The following LTBP3 variants were observed in gnomAD, a reference collection of about 807,000 sequenced individuals.
LTBP3 encodes latent transforming growth factor beta binding protein 3.
A neutral mutation model predicts 159.7 loss-of-function variants in LTBP3; 97 were observed. The ratio of observed to expected loss-of-function variants is 0.61; its 90% CI spans 0.52 to 0.72. The LOEUF (loss-of-function observed/expected upper bound fraction) is 0.72. Ranked by LOEUF, LTBP3 falls within the 30% of genes least tolerant of loss-of-function variation. LTBP3 has a pLI of 0.00. For missense variants in LTBP3, 1,584 were observed against 1,864.3 expected (o/e 0.85, Z 2.77); for synonymous variants, 824 against 777.1 (o/e 1.06, Z -1.00).
rs778882357 is a variant in LTBP3, at chr11:65,551,435, T to C, written c.1588A>G (p.Thr530Ala). The change falls in exon 10 of 28, where the codon ACT becomes GCT. Residue 530 changes from threonine (T) to alanine (A), a missense_variant. Thr to Ala is a moderately conservative substitution (Grantham distance 58, BLOSUM62 0). Coordinates refer to ENST00000301873, the MANE Select transcript of LTBP3 (RefSeq NM_001130144.3). ...GGCCGGGCAGGAGTCGTGGTGGCAG[T>C]TGGGTGGCTCTGCTGCACTGACCTC... ...EERSVQQSHP[T>A]ATTTPARPYP... The C allele has an allele frequency of 6.1e-5, 99 of 1,613,586 alleles. No homozygotes were observed. The East Asian group carries it at 2.1e-3, about 33-fold the overall frequency.
intron 8 of LTBP3, 77 bp from the exon 9 acceptor site, chr11:65,551,641 T>C: frequency 6.3e-7 from 1 of 1,580,150 alleles, no homozygotes; most frequent in Non-Finnish European, 8.7e-7. Context: ...CAGCTGAGTA[T>C]TTGCAGTTAG....
Position 65,539,648 on chromosome 11 carries a change from T to G in LTBP3, c.3548-20A>C. The G allele has an allele frequency of 6.2e-7, 1 of 1,600,058 alleles. No homozygotes were observed. The highest frequency in any genetic ancestry group is 8.5e-7 in the Non-Finnish European group (1 of 1,175,754). On this transcript the variant is annotated intron_variant, in intron 25 of 27. Transcript: ENST00000301873. ...GGGACCCTGGGAGGAGCAGAACTGG[T>G]CAGCGACGTCCGGGTCCCCGGGCCC...
chr11:65,547,931 C>A lies in LTBP3; in HGVS notation c.1835G>T (p.Arg612Leu). Residue 612 changes from arginine to leucine, a missense_variant, in exon 12 of 28, where the codon CGC (arginine) becomes CTC (leucine). This residue lies in a region of LTBP3 where 565 missense variants were observed against 677.7 expected (regional missense o/e 0.83). Coordinates refer to ENST00000301873, the MANE Select transcript of LTBP3 (RefSeq NM_001130144.3). The surrounding 1 kb of genome is among the most constrained non-coding windows in gnomAD (Gnocchi z 4.6). ...TGCCCTGCGCTCACCCACGCAGTAG[C>A]GGTGCTGGGGATGTGACCGGTAGCC... is the stretch of plus-strand genomic sequence containing the variant. Reference protein sequence around the residue: ...NPGYRSHPQHRYCVDVNECEA... With the variant: ...NPGYRSHPQHLYCVDVNECEA... The A allele has an allele frequency of 6.2e-7, 1 of 1,613,798 alleles. No individual in the cohort carries two copies. The highest frequency in any genetic ancestry group is 8.5e-7 in the Non-Finnish European group (1 of 1,179,996).
rs1190589964 is a variant in LTBP3 at position 65,547,717 on chromosome 11, C to T, written c.1951G>A (p.Val651Met). 4 of 1,606,678 alleles carry T rather than the reference C, an allele frequency of 2.5e-6. No individual in the cohort carries two copies. The highest frequency in any genetic ancestry group is 2.7e-5 in the African/African-American group (2 of 74,762). ...CHCNRGYRLHVGAGGRSCVDL... is the reference protein window; with the variant it reads ...CHCNRGYRLHMGAGGRSCVDL... The stretch of plus-strand genomic sequence containing the variant: ...ACGCACGAGCGCCCCCCGGCGCCCA[C>T]GTGCAGGCGGTAGCCGCGGTTGCAG... Residue 651 changes from valine to methionine, a missense_variant, in exon 13 of 28, where the codon GTG becomes ATG. Around this residue, in one of 6 missense-constraint regions of LTBP3, gnomAD observed 565 missense variants for 677.7 expected, o/e 0.83. Transcript: ENST00000301873. The surrounding 1 kb of genome is among the most constrained non-coding windows in gnomAD (Gnocchi z 4.6).
In LTBP3 at chr11:65,539,884, G is replaced by T. The variant is rs934107346; in HGVS notation, c.3386-3C>A. The T allele has an allele frequency of 6.6e-7, 1 of 1,511,820 alleles. No individual in the cohort carries two copies. The highest frequency in any genetic ancestry group is 8.8e-7 in the Non-Finnish European group (1 of 1,137,316). The allele number at this position is 1,511,820 out of a possible 1,614,324, so 93.7% of individuals were successfully genotyped here. On this transcript the variant is annotated splice_region_variant and splice_polypyrimidine_tract_variant and intron_variant, in intron 24 of 27. Transcript: ENST00000301873. The stretch of plus-strand genomic sequence containing the variant: ...GTCGCGCCGCTCCGGGGCACGCTCT[G>T]CGGAAGACACCTGGCATCAGGGGAG...
rs1856418452 is a variant in LTBP3, at chr11:65,547,371, C to G, written c.2107+68G>C. Reference sequence around the variant, plus strand: ...GGGAAAAAAAAAAAAATGCAGGCACCCCAGCCCCACCCCAGGTGGAGAGAC... The same window carrying G: ...GGGAAAAAAAAAAAAATGCAGGCACGCCAGCCCCACCCCAGGTGGAGAGAC... On this transcript the variant is annotated intron_variant, in intron 14 of 27. Coordinates refer to ENST00000301873, the MANE Select transcript of LTBP3 (RefSeq NM_001130144.3). The surrounding 1 kb of genome is among the most constrained non-coding windows in gnomAD (Gnocchi z 4.6). 1 of 1,581,772 alleles carries G rather than the reference C, an allele frequency of 6.3e-7. No homozygotes were observed. Among genetic ancestry groups the G allele is most frequent in the African/African-American group, 1.4e-5 (1 of 74,072 alleles).
At chr11:65,551,625 G>A in intron 8 of LTBP3, 61 bp from the exon 9 acceptor site, 1 of 1,604,128 alleles carries the variant, frequency 6.2e-7, no homozygotes, top group Non-Finnish European at 8.5e-7. Context: ...TCAGATCTGG[G>A]ATCAGCAGCT....
intron 18 of LTBP3, 137 bp downstream of exon 18, chr11:65,542,967 TG>T: frequency 9.1e-7 from 1 of 1,104,582 alleles, no homozygotes; most frequent in East Asian, 2.4e-5. Flanking sequence ...GATGGATGGA[TG>T]GATGGATAGA....
At chr11:65,540,722 G>GGGCGGGGCCTACAGGAGA in intron 21 of LTBP3, 108 bp from the exon 22 acceptor site, 1 of 1,564,188 alleles carries the variant, frequency 6.4e-7, no homozygotes, top group Non-Finnish European at 8.7e-7. Flanking sequence ...CCTACAGGAG[G>GGGCGGGGCCTACAGGAGA]GGCGGGGCCT....
At chr11:65,548,279 G>A (rs1312152949) in intron 11 of LTBP3, 15 of 640,578 alleles carry the variant, frequency 2.3e-5, no homozygotes, top group Non-Finnish European at 3.3e-5. Context: ...ACCCAGGCCC[G>A]GATACTTCCA....
rs1252981675 is a variant in LTBP3 at position 65,546,887 on chromosome 11, G to C, written c.2141C>G (p.Pro714Arg). Reference sequence around the variant, plus strand: ...GGGCTTGTTCTCGCATTTGCCATCCGGGCAAGAGCTTGGGTCCCGGCACTC... The same window carrying C: ...GGGCTTGTTCTCGCATTTGCCATCCCGGCAAGAGCTTGGGTCCCGGCACTC... ...IDECRDPSSCPDGKCENKPGS... is the reference protein window; with the variant it reads ...IDECRDPSSCRDGKCENKPGS... Residue 714 changes from proline to arginine, a missense_variant, in exon 15 of 28, where the codon CCG becomes CGG. By Grantham distance (103) the Pro-to-Arg change is moderately radical (BLOSUM62 -2). Transcript: ENST00000301873. The surrounding 1 kb of genome is among the most constrained non-coding windows in gnomAD (Gnocchi z 4.0). The C allele has an allele frequency of 6.2e-7, 1 of 1,612,436 alleles. No individual in the cohort carries two copies. Among genetic ancestry groups the C allele is most frequent in the African/African-American group, 1.3e-5 (1 of 74,946 alleles).
In LTBP3 at chr11:65,553,813, T is replaced by C. The variant is rs1396166571; in HGVS notation, c.752A>G (p.Glu251Gly). The C allele has an allele frequency of 4.5e-6, 7 of 1,561,704 alleles. No individual in the cohort carries two copies. Among genetic ancestry groups the C allele is most frequent in the Admixed American group, 1.8e-5 (1 of 54,134 alleles). ...QVHRIESSNA[E>G]SAAPSQHLLP... is the part of the protein sequence containing the mutation. ...CAGGTGCTGGGAGGGGGCTGCGCTC[T>C]CGGCGTTCGAGCTCTCAATGCGGTG... Residue 251 changes from glutamate (E) to glycine (G), a missense_variant, in exon 3 of 28, where the codon GAG becomes GGG. By Grantham distance (98) the Glu-to-Gly change is moderately conservative (BLOSUM62 -2). Around this residue, in one of 6 missense-constraint regions of LTBP3, gnomAD observed 194 missense variants for 198.7 expected, o/e 0.98. Transcript: ENST00000301873. The surrounding 1 kb of genome is among the most constrained non-coding windows in gnomAD (Gnocchi z 6.5).
At chr11:65,550,541 A>T (rs1856565898) in intron 11 of LTBP3, among the ~76,000 whole-genome samples, 1 of 151,810 alleles carries the variant, frequency 6.6e-6, no homozygotes, top group Admixed American at 6.6e-5. Context: ...AAAGATGGTT[A>T]TGGGCTGGGA....
Position 65,541,745 on chromosome 11 carries a change from G to T in LTBP3, c.2597-17C>A. 6.2e-7 allele frequency: 1 copy of T among 1,613,798 alleles called. No individual in the cohort carries two copies. The highest frequency in any genetic ancestry group is 8.5e-7 in the Non-Finnish European group (1 of 1,179,888). On this transcript the variant is annotated splice_polypyrimidine_tract_variant and intron_variant, in intron 18 of 27. Coordinates refer to ENST00000301873, the MANE Select transcript of LTBP3 (RefSeq NM_001130144.3). ...CATCTATGTCTGCGGGGCAAGAGTA[G>T]CGCAGCTGGAAACCCAGCCCCTCTT...
chr11:65,540,634 GGCCGCTCCGGTCCC>G lies in LTBP3; in HGVS notation c.2978-34_2978-21del, dbSNP rs1856070881. ...CGATGTCTGCGGGGTGACAAACACT[GGCCGCTCCGGTCCC>G]GCAGCTGCAGCCCGGAGGCGTGGGC... On this transcript the variant is annotated intron_variant, in intron 21 of 27. Coordinates refer to ENST00000301873, the MANE Select transcript of LTBP3 (RefSeq NM_001130144.3). 1 of 1,612,538 alleles carries G rather than the reference GGCCGCTCCGGTCCC, an allele frequency of 6.2e-7. No homozygotes were observed. The highest frequency in any genetic ancestry group is 1.1e-5 in the South Asian group (1 of 91,090).
At chr11:65,540,727 G>GGGCCTACAGGAGGGGCGC (rs1856087482) in intron 21 of LTBP3, 113 bp from the exon 22 acceptor site, 2 of 1,538,534 alleles carry the variant, frequency 1.3e-6, no homozygotes, top group Non-Finnish European at 1.8e-6. Flanking sequence ...AGGAGGGGCG[G>GGGCCTACAGGAGGGGCGC]GGCCTACAGG....
intron 1 of LTBP3, among the ~76,000 whole-genome samples, chr11:65,557,049 G>A (rs1425081515): frequency 6.6e-6 from 1 of 151,966 alleles, no homozygotes; most frequent in African/African-American, 2.4e-5. Flanking sequence ...AGGAGAGGCT[G>A]AGAACCCCGA....
At chr11:65,557,481 T>C in intron 1 of LTBP3, 148 bp downstream of exon 1, 1 of 1,074,920 alleles carries the variant, frequency 9.3e-7, no homozygotes, top group East Asian at 2.6e-5. Flanking sequence ...GCCTCCCAAG[T>C]TCCCTGAGGC....
In LTBP3 at chr11:65,539,364, C is replaced by T; in HGVS notation, c.3724G>A (p.Gly1242Ser). The T allele has an allele frequency of 1.9e-6, 3 of 1,538,854 alleles. No homozygotes were observed. The highest frequency in any genetic ancestry group is 2.5e-5 in the East Asian group (1 of 40,152). Residue 1242 changes from glycine (G) to serine (S), a missense_variant, in exon 27 of 28, where the codon GGC becomes AGC. This residue lies in a region of LTBP3 where 514 missense variants were observed against 530.3 expected (regional missense o/e 0.97). Coordinates refer to ENST00000301873, the MANE Select transcript of LTBP3 (RefSeq NM_001130144.3). ...GCGCGGGAGGCGTCGAGCTGGAAGC[C>T]GCCGGGACACTCGCACACGGCGCCG... is the stretch of plus-strand genomic sequence containing the variant. ...PGGAVCECPG[G>S]FQLDASRARC...
Sources: gnomAD v4.1 joint callset for allele counts (sites outside exome capture counted in the v4.1 genomes callset) on GRCh38, gnomAD v4.1.1 for gene constraint, gnomAD v4.1.1 regional missense constraint, Gnocchi (gnomAD v3.1) non-coding constraint, MANE v1.5 for transcripts, NCBI Gene and HGNC (gene_info 2026-07-23, HGNC 2026-07-21) for gene names.